Variants in MTMR2 observed in about 807,000 individuals in gnomAD.
MTMR2 encodes the protein phosphatidylinositol-3,5-bisphosphate 3-phosphatase MTMR2.
MTMR2 carries 55 observed loss-of-function variants against 86.9 expected under a neutral mutation model. The ratio of observed to expected loss-of-function variants is 0.63; its 90% confidence interval spans 0.51 to 0.79. The LOEUF (loss-of-function observed/expected upper bound fraction) is 0.79, where lower values mean the gene tolerates loss of function less well. Among genes scored for constraint, MTMR2 ranks in the 30% least tolerant of loss-of-function variants. The pLI, the probability that MTMR2 is intolerant of heterozygous loss-of-function variation, is 0.00. For missense variants in MTMR2, 659 were observed against 772.3 expected, an observed-to-expected ratio of 0.85 and a Z score of 1.74; for synonymous variants, 241 against 266.8, an observed-to-expected ratio of 0.90 and a Z score of 0.94.
At position 95,834,055 on chromosome 11, in the gene MTMR2, GAAA is replaced by G. The variant is rs957257835; in HGVS notation, c.*1232_*1234del. ...CCAATAATTTCCAAATATTTCTGGG[GAAA>G]AAAAAGAAATGGCAACTTTGGACAA... On this transcript the variant is annotated 3_prime_UTR_variant, in exon 15 of 15. Coordinates refer to ENST00000346299, the MANE Select transcript of MTMR2 (RefSeq NM_016156.6). 38 of 146,220 alleles carry G rather than the reference GAAA, an allele frequency of 2.6e-4. 1 individual carries two copies. Among genetic ancestry groups the G allele is most frequent in the Admixed American group, 2.6e-3 (38 of 14,740 alleles). The allele number at this position is 146,220 out of a possible 1,614,324, so 9.1% of individuals were successfully genotyped here.
In MTMR2 at chr11:95,914,143, T is replaced by C. The variant is rs143400735; in HGVS notation, c.80+9732A>G. On this transcript the variant is annotated intron_variant, in intron 1 of 14. Coordinates refer to ENST00000346299, the MANE Select transcript of MTMR2 (RefSeq NM_016156.6). ...GAAGTTTGAAACTACTTGTTACTCATAAGTGCAAATTTCATTTGGGATAAT... is the reference window on the plus strand; with the variant it reads ...GAAGTTTGAAACTACTTGTTACTCACAAGTGCAAATTTCATTTGGGATAAT... The C allele has an allele frequency of 2.5e-4, 237 of 967,122 alleles. 4 individuals are homozygous for C. The South Asian group carries it at 4.3e-3, about 18-fold the overall frequency. The allele number at this position is 967,122 out of a possible 1,614,324, so 59.9% of individuals were successfully genotyped here. A position where few individuals can be genotyped will look rare whatever the true frequency, so the allele number is the denominator to read the frequency against.
chr11:95,912,744 A>G (rs1866557198), intron 1 of MTMR2, among the ~76,000 whole-genome samples: 1 of 152,004 alleles, frequency 6.6e-6, no homozygotes, highest in African/African-American at 2.4e-5. Flanking sequence ...TTATAAATAC[A>G]ATAAAATTAT....
intron 1 of MTMR2, among the ~76,000 whole-genome samples, chr11:95,908,203 T>C (rs1337726190): frequency 1.3e-5 from 2 of 151,396 alleles, no homozygotes; most frequent in Admixed American, 1.3e-4. Context: ...ACGAACAAAA[T>C]TCAAGCTGAG....
At chr11:95,844,318 C>A (rs1018627731) in intron 11 of MTMR2, among the ~76,000 whole-genome samples, 8 of 152,154 alleles carry the variant, frequency 5.3e-5, no homozygotes, top group African/African-American at 1.9e-4. Context: ...TTCAAAAGAG[C>A]AGACTAACTT....
At chr11:95,890,104 C>A (rs917690740) in intron 1 of MTMR2, among the ~76,000 whole-genome samples, 1 of 152,096 alleles carries the variant, frequency 6.6e-6, no homozygotes, top group African/African-American at 2.4e-5. Context: ...ATTGTCACTT[C>A]ATTTAAATGA....
chr11:95,894,663 G>C (rs1329446416), intron 1 of MTMR2, among the ~76,000 whole-genome samples: 6 of 152,112 alleles, frequency 3.9e-5, no homozygotes, highest in African/African-American at 1.4e-4. Context: ...GTTTAAAAGT[G>C]AAACTATCAT....
chr11:95,923,624 C>T (rs1441907340), intron 1 of MTMR2: 2 of 1,350,032 alleles, frequency 1.5e-6, no homozygotes, highest in Non-Finnish European at 1.9e-6. Flanking sequence ...GGACCACCTC[C>T]ATCGGGGAGA....
At chr11:95,891,826 C>G (rs780950951) in intron 1 of MTMR2, among the ~76,000 whole-genome samples, 27 of 151,654 alleles carry the variant, frequency 1.8e-4, no homozygotes, top group African/African-American at 2.2e-4. Context: ...CACACACACA[C>G]AGAGAGAGAG....
At chr11:95,883,815 T>C (rs1001575136) in intron 2 of MTMR2, among the ~76,000 whole-genome samples, 1 of 152,240 alleles carries the variant, frequency 6.6e-6, no homozygotes, top group East Asian at 1.9e-4. Context: ...TAGTTAGCTG[T>C]TAATCTACTA....
chr11:95,882,725 GT>G (rs572839295), intron 2 of MTMR2, among the ~76,000 whole-genome samples: 4,360 of 127,892 alleles, frequency 0.034, 140 homozygotes, highest in African/African-American at 0.1. Flanking sequence ...ATTTTGTGTT[GT>G]TTTTTTTTTT....
chr11:95,849,887 C>T, intron 8 of MTMR2, 25 bp from the exon 9 acceptor site: 1 of 1,558,494 alleles, frequency 6.4e-7, no homozygotes, highest in Non-Finnish European at 8.8e-7. Flanking sequence ...AATGGTAACA[C>T]ACCTTTTACA....
At chr11:95,848,576 T>G (rs1436435303) in intron 9 of MTMR2, among the ~76,000 whole-genome samples, 5 of 152,208 alleles carry the variant, frequency 3.3e-5, no homozygotes, top group African/African-American at 1.2e-4. Context: ...GACTTAATCT[T>G]TTTATATTTC....
At chr11:95,921,814 TATATC>T (rs911116582) in intron 1 of MTMR2, among the ~76,000 whole-genome samples, 1 of 152,214 alleles carries the variant, frequency 6.6e-6, no homozygotes, top group Non-Finnish European at 1.5e-5. Context: ...GCTAATCTAC[TATATC>T]ACAATTCTCT....
At chr11:95,848,816 G>A (rs1412022451) in intron 9 of MTMR2, among the ~76,000 whole-genome samples, 2 of 152,242 alleles carry the variant, frequency 1.3e-5, no homozygotes, top group Admixed American at 1.3e-4. Context: ...AAATCGTTTG[G>A]CACAATTATA....
intron 1 of MTMR2, among the ~76,000 whole-genome samples, chr11:95,888,688 T>C (rs994750771): frequency 2.0e-5 from 3 of 151,716 alleles, no homozygotes; most frequent in Admixed American, 6.6e-5. Flanking sequence ...TGCAGTGTTA[T>C]GACTCTAAAT....
At chr11:95,836,036 G>A in intron 14 of MTMR2, 112 bp downstream of exon 14, 1 of 1,048,800 alleles carries the variant, frequency 9.5e-7, no homozygotes, top group Non-Finnish European at 1.5e-6. Flanking sequence ...AACTATCAAT[G>A]GGTAAGGAGT....
intron 1 of MTMR2, among the ~76,000 whole-genome samples, chr11:95,890,186 G>A (rs1167143409): frequency 6.6e-6 from 1 of 152,136 alleles, no homozygotes. Context: ...CAAAAAAGCA[G>A]TCATAAGAAA....
At position 95,903,472 on chromosome 11, in the gene MTMR2, G is replaced by T. The variant is rs180829507; in HGVS notation, c.81-15211C>A. 3.3e-5 allele frequency among the ~76,000 whole-genome samples: 5 copies of T among 152,152 alleles called. No individual in the cohort carries two copies. In the East Asian group the frequency reaches 9.7e-4, roughly 29 times the overall value. On this transcript the variant is annotated intron_variant, in intron 1 of 14. Transcript: ENST00000346299. ...CCAGACCATACCCACACAGTTGAAC[G>T]AGTTGACAGAAAAAAAACACCACCA...
At chr11:95,865,348 G>C (rs749776579) in intron 3 of MTMR2, 29 of 467,842 alleles carry the variant, frequency 6.2e-5, no homozygotes, top group Non-Finnish European at 9.9e-5. Flanking sequence ...TTTAAAGAAA[G>C]TAAAACAAAC....
Sources: allele counts gnomAD v4.1 joint callset (sites outside exome capture counted in the v4.1 genomes callset), GRCh38; gene constraint gnomAD v4.1.1; transcripts MANE v1.5; gene names NCBI Gene and HGNC (gene_info 2026-07-23, HGNC 2026-07-21).